Variants in ATP9B observed in about 807,000 individuals in gnomAD.
The protein encoded by ATP9B is probable phospholipid-transporting ATPase IIB.
In ATP9B, 110 loss-of-function variants were observed where a neutral mutation model predicts 146.1. That is an observed-to-expected ratio of 0.75 (90% CI 0.65 to 0.88). The LOEUF is 0.88. Among genes scored for constraint, ATP9B ranks in the 40% least tolerant of loss-of-function variants. The pLI is 0.00. For missense variants in ATP9B, 1,499 were observed against 1,496.4 expected (o/e 1.00, Z -0.03); for synonymous variants, 604 against 569.7 (o/e 1.06, Z -0.86).
intron 11 of ATP9B, among the ~76,000 whole-genome samples, chr18:79,233,332 G>A (rs2095809965): frequency 6.6e-6 from 1 of 152,128 alleles, no homozygotes; most frequent in Admixed American, 6.6e-5. Context: ...ATACCTGGAG[G>A]AGAAGAAAGA....
intron 13 of ATP9B, among the ~76,000 whole-genome samples, chr18:79,281,797 G>A (rs377142389): frequency 2.0e-5 from 3 of 152,200 alleles, no homozygotes; most frequent in East Asian, 1.9e-4. Context: ...GCCAAGGCAG[G>A]CGGATCACCG....
At position 79,320,053 on chromosome 18, in the gene ATP9B, G is replaced by A. The variant is rs561046170; in HGVS notation, c.1774-9088G>A. The stretch of plus-strand genomic sequence containing the variant: ...TCCAGGCCCTGGAGAGTCCTGACAC[G>A]GAGTGCCGAGAACGTGCCCATTTAT... On this transcript the variant is annotated intron_variant, in intron 15 of 29. Coordinates refer to ENST00000426216, the MANE Select transcript of ATP9B (RefSeq NM_198531.5). 4.6e-5 allele frequency among the ~76,000 whole-genome samples: 7 copies of A among 152,300 alleles called. No individual in the cohort carries two copies. In the East Asian group the frequency reaches 9.6e-4, roughly 21 times the overall value.
intron 18 of ATP9B, among the ~76,000 whole-genome samples, 189 bp downstream of exon 18, chr18:79,336,900 G>C: frequency 6.6e-6 from 1 of 152,232 alleles, no homozygotes; most frequent in East Asian, 1.9e-4. Flanking sequence ...CCAGCTTGCT[G>C]GGGAAGGAGG....
intron 1 of ATP9B, among the ~76,000 whole-genome samples, chr18:79,075,079 G>C (rs2072440175): frequency 6.8e-6 from 1 of 147,952 alleles, no homozygotes; most frequent in Non-Finnish European, 1.5e-5. Context: ...ATTCTTTTTA[G>C]AGTTTTTTTT....
At chr18:79,152,357 T>G (rs2147597776) in intron 6 of ATP9B, among the ~76,000 whole-genome samples, 1 of 152,358 alleles carries the variant, frequency 6.6e-6, no homozygotes, top group Non-Finnish European at 1.5e-5. Flanking sequence ...TTGGCATTTC[T>G]CTTCTGAGTT....
chr18:79,355,091 A>C (rs1384735457), intron 25 of ATP9B, among the ~76,000 whole-genome samples: 2 of 152,248 alleles, frequency 1.3e-5, no homozygotes, highest in Non-Finnish European at 2.9e-5. Flanking sequence ...TGAGCCCCTC[A>C]GTGTCGGCAG....
intron 6 of ATP9B, chr18:79,147,006 G>C (rs2094602675): frequency 6.6e-6 from 1 of 152,158 alleles, no homozygotes; most frequent in Non-Finnish European, 1.5e-5. Flanking sequence ...GAAAGTAAAA[G>C]GATAGAAAAA....
At chr18:79,328,788 C>T (rs572983005) in intron 15 of ATP9B, among the ~76,000 whole-genome samples, 1 of 152,284 alleles carries the variant, frequency 6.6e-6, no homozygotes, top group Admixed American at 6.5e-5. Context: ...CTTGAAAAGT[C>T]GTATAACTTG....
At chr18:79,187,904 A>G (rs2095323664) in intron 8 of ATP9B, among the ~76,000 whole-genome samples, 1 of 152,212 alleles carries the variant, frequency 6.6e-6, no homozygotes, top group Non-Finnish European at 1.5e-5. Flanking sequence ...TGCCATATCA[A>G]TTTTAGGTGA....
At chr18:79,161,595 TC>T (rs2094881418) in intron 7 of ATP9B, among the ~76,000 whole-genome samples, 1 of 152,186 alleles carries the variant, frequency 6.6e-6, no homozygotes. Flanking sequence ...ACGCTTGTAA[TC>T]CCAGCACTTT....
intron 5 of ATP9B, among the ~76,000 whole-genome samples, chr18:79,142,511 T>G (rs569514433): frequency 2.0e-5 from 3 of 152,294 alleles, no homozygotes; most frequent in African/African-American, 4.8e-5. Context: ...GTAGGAACTT[T>G]AGGTCAGTGG....
intron 29 of ATP9B, chr18:79,375,962 A>G: frequency 1.0e-6 from 1 of 985,362 alleles, no homozygotes; most frequent in Middle Eastern, 5.2e-4. Flanking sequence ...GCGGAATTCA[A>G]GTAGCTAGTC....
chr18:79,319,460 T>C (rs1362268448), intron 15 of ATP9B, among the ~76,000 whole-genome samples: 1 of 151,598 alleles, frequency 6.6e-6, no homozygotes, highest in Non-Finnish European at 1.5e-5. Context: ...AACAGTTCCA[T>C]AGGGGCCCCC....
In ATP9B at chr18:79,200,558, C is replaced by T. The variant is rs553281775; in HGVS notation, c.955-6379C>T. Among the ~76,000 whole-genome samples the T allele has an allele frequency of 2.6e-5, 4 of 152,044 alleles. No homozygotes were observed. The East Asian group carries it at 7.7e-4, about 29-fold the overall frequency. ...TTTATTAAGGTATGCCAGAAAAAAG[C>T]TTAGGAAAAAAAAGGCAACTCATAA... On this transcript the variant is annotated intron_variant, in intron 9 of 29. Coordinates refer to ENST00000426216, the MANE Select transcript of ATP9B (RefSeq NM_198531.5).
At chr18:79,201,070 C>G (rs1049506213) in intron 9 of ATP9B, among the ~76,000 whole-genome samples, 1 of 152,186 alleles carries the variant, frequency 6.6e-6, no homozygotes, top group Non-Finnish European at 1.5e-5. Context: ...GGCTGTGCCA[C>G]TCAAAGAGAG....
intron 4 of ATP9B, among the ~76,000 whole-genome samples, chr18:79,121,674 G>A (rs2094192268): frequency 6.6e-6 from 1 of 152,196 alleles, no homozygotes; most frequent in African/African-American, 2.4e-5. Flanking sequence ...GCAGGGGATG[G>A]ACGTGATGGT....
At chr18:79,201,630 G>A (rs1194715185) in intron 9 of ATP9B, among the ~76,000 whole-genome samples, 1 of 152,074 alleles carries the variant, frequency 6.6e-6, no homozygotes, top group Non-Finnish European at 1.5e-5. Context: ...GAGTGCAGTG[G>A]CGTGATCTCG....
chr18:79,071,757 A>C (rs368138494), intron 1 of ATP9B, among the ~76,000 whole-genome samples: 319 of 151,988 alleles, frequency 2.1e-3, no homozygotes, highest in Non-Finnish European at 3.5e-3. Flanking sequence ...TGTCACTCAG[A>C]TTGATGTTCC....
In ATP9B at chr18:79,100,771, C is replaced by T. The variant is rs1276991997; in HGVS notation, c.293+4122C>T. Among the ~76,000 whole-genome samples the T allele has an allele frequency of 2.6e-5, 4 of 152,062 alleles. No homozygotes were observed. The South Asian group carries it at 6.2e-4, about 24-fold the overall frequency. ...AGTAGTTCCACATGGCTGGGGAGGC[C>T]TCACAATTATGGCAGAAGGCAAGGA... On this transcript the variant is annotated intron_variant, in intron 2 of 29. Coordinates refer to ENST00000426216, the MANE Select transcript of ATP9B (RefSeq NM_198531.5).
Sources: allele counts gnomAD v4.1 joint callset (sites outside exome capture counted in the v4.1 genomes callset), GRCh38; gene constraint gnomAD v4.1.1; transcripts MANE v1.5; gene names NCBI Gene and HGNC (gene_info 2026-07-23, HGNC 2026-07-21).